RASA3: variants seen among roughly 807,000 people sequenced by gnomAD.
The protein encoded by RASA3 is ras GTPase-activating protein 3.
RASA3 carries 73 observed loss-of-function variants against 110.0 expected under a neutral mutation model. That is an observed-to-expected ratio of 0.66 (90% CI 0.55 to 0.81). RASA3 has a LOEUF of 0.81. Ranked by LOEUF, RASA3 falls within the 30% of genes least tolerant of loss-of-function variation. RASA3 has a pLI of 0.00. For synonymous variants in RASA3, 500 were observed against 451.4 expected (o/e 1.11, Z -1.37); for missense variants, 976 against 1,113.2 (o/e 0.88, Z 1.75).
At chr13:114,017,485 T>C (rs2139298639) in intron 11 of RASA3, 134 bp from the exon 12 acceptor site, 1 of 725,968 alleles carries the variant, frequency 1.4e-6, no homozygotes, top group East Asian at 2.7e-5. Context: ...CCTGACATTT[T>C]ACAAGGAGCA....
At chr13:113,999,949 CTCTGCT>C (rs2053351500) in intron 19 of RASA3, among the ~76,000 whole-genome samples, 2 of 14,986 alleles carry the variant, frequency 1.3e-4, no homozygotes, top group Non-Finnish European at 2.2e-4. Flanking sequence ...GCTGGGGGGT[CTCTGCT>C]GGGGGGGGGT....
chr13:114,054,803 G>A (rs559396705), intron 2 of RASA3, among the ~76,000 whole-genome samples: 53 of 152,364 alleles, frequency 3.5e-4, no homozygotes, highest in African/African-American at 1.2e-3. Flanking sequence ...GTTAATGAAG[G>A]CCCATTAGAA....
intron 9 of RASA3, among the ~76,000 whole-genome samples, chr13:114,019,911 G>A (rs56208226): frequency 3.1e-5 from 1 of 31,924 alleles, no homozygotes; most frequent in Non-Finnish European, 5.1e-5. Context: ...TAGCAGCCCT[G>A]TCAGGTGGGT....
rs544445146 is a variant in RASA3 at position 114,096,193 on chromosome 13, C to T, written c.56-22356G>A. Among the ~76,000 whole-genome samples the T allele has an allele frequency of 1.8e-4, 27 of 152,230 alleles. No individual in the cohort carries two copies. Among genetic ancestry groups the T allele is most frequent in the Admixed American group, 5.2e-4 (8 of 15,300 alleles). Reference sequence around the variant, plus strand: ...GCTCTCCAGGTGGCCCTGGCGGCATCGGTGTGCTGGGAAGGGAGTGCGCAG... The same window carrying T: ...GCTCTCCAGGTGGCCCTGGCGGCATTGGTGTGCTGGGAAGGGAGTGCGCAG... On this transcript the variant is annotated intron_variant, in intron 1 of 23. Transcript: ENST00000334062. This position sits in a 1 kb window ranked among gnomAD's most constrained non-coding sequence, Gnocchi z 5.1.
At chr13:114,128,222 G>A (rs1410486428) in intron 1 of RASA3, among the ~76,000 whole-genome samples, 2 of 152,238 alleles carry the variant, frequency 1.3e-5, no homozygotes, top group Admixed American at 6.5e-5. Flanking sequence ...ACAGACACGG[G>A]GAAAGCCACG....
intron 18 of RASA3, among the ~76,000 whole-genome samples, chr13:114,001,748 C>T (rs1430524632): frequency 1.3e-5 from 2 of 151,926 alleles, no homozygotes; most frequent in Non-Finnish European, 2.9e-5. Flanking sequence ...GCAGCAGACG[C>T]CCATACTCAG....
At chr13:114,113,249 C>T (rs1396695226) in intron 1 of RASA3, among the ~76,000 whole-genome samples, 2 of 152,230 alleles carry the variant, frequency 1.3e-5, no homozygotes, top group Non-Finnish European at 2.9e-5. Flanking sequence ...CAGGCACCTC[C>T]TTCCATGGAG....
intron 1 of RASA3, among the ~76,000 whole-genome samples, chr13:114,128,223 G>A (rs2080475540): frequency 6.6e-6 from 1 of 152,254 alleles, no homozygotes; most frequent in African/African-American, 2.4e-5. Flanking sequence ...CAGACACGGG[G>A]AAAGCCACGG....
chr13:114,038,518 TC>T (rs2054325222), intron 4 of RASA3, among the ~76,000 whole-genome samples: 1 of 152,228 alleles, frequency 6.6e-6, no homozygotes, highest in African/African-American at 2.4e-5. Context: ...GGCAGGGCCA[TC>T]CCCAGGGCTT....
At chr13:114,001,263 T>G (rs1396660922) in intron 18 of RASA3, among the ~76,000 whole-genome samples, 1 of 150,014 alleles carries the variant, frequency 6.7e-6, no homozygotes, top group Non-Finnish European at 1.5e-5. Context: ...CCTGCGGCCG[T>G]GGGCTCAGGG....
At chr13:114,007,979 C>A in intron 17 of RASA3, among the ~76,000 whole-genome samples, 1 of 112,506 alleles carries the variant, frequency 8.9e-6, no homozygotes. Flanking sequence ...CCCCCACGCA[C>A]CGCGTTCCTG....
intron 2 of RASA3, among the ~76,000 whole-genome samples, chr13:114,070,147 G>A (rs1297050675): frequency 2.7e-5 from 3 of 112,894 alleles, no homozygotes; most frequent in Non-Finnish European, 3.7e-5. Context: ...TCAGGCGGCC[G>A]GGAGACTCGG....
At chr13:114,017,094 G>A in intron 12 of RASA3, 143 bp downstream of exon 12, 1 of 705,476 alleles carries the variant, frequency 1.4e-6, no homozygotes, top group East Asian at 2.6e-5. Context: ...AAAAGTGAAT[G>A]AATCAGCATC....
intron 2 of RASA3, among the ~76,000 whole-genome samples, chr13:114,054,734 C>T (rs764790814): frequency 3.9e-5 from 6 of 152,252 alleles, no homozygotes; most frequent in African/African-American, 7.2e-5. Context: ...ATCACTTTAT[C>T]TTTCAATGAA....
intron 9 of RASA3, among the ~76,000 whole-genome samples, chr13:114,020,724 G>C (rs181727295): frequency 6.6e-6 from 1 of 152,350 alleles, no homozygotes; most frequent in Admixed American, 6.5e-5. Flanking sequence ...AAAGGCAGGA[G>C]GCAGCAACAC....
chr13:113,979,333 G>C lies in RASA3; in HGVS notation c.*14C>G. On this transcript the variant is annotated 3_prime_UTR_variant, in exon 24 of 24. Coordinates refer to ENST00000334062, the MANE Select transcript of RASA3 (RefSeq NM_007368.4). ...GGGCAGCTTGCTGGCGCCACTGGGC[G>C]CGTCCCGCAGACTTTAAATGGAATG... 1 of 1,572,126 alleles carries C rather than the reference G, an allele frequency of 6.4e-7. No individual in the cohort carries two copies. The highest frequency in any genetic ancestry group is 8.8e-7 in the Non-Finnish European group (1 of 1,142,176).
chr13:114,018,057 T>C, intron 11 of RASA3, 47 bp downstream of exon 11: 2 of 1,449,872 alleles, frequency 1.4e-6, no homozygotes, highest in Non-Finnish European at 1.8e-6. Context: ...TTGCCATCCC[T>C]GTAGCGGGTC....
intron 18 of RASA3, among the ~76,000 whole-genome samples, chr13:114,001,698 A>G (rs1410266684): frequency 6.6e-6 from 1 of 150,866 alleles, no homozygotes; most frequent in Non-Finnish European, 1.5e-5. Context: ...GGACGCTCAC[A>G]CACGGAGGAC....
intron 1 of RASA3, among the ~76,000 whole-genome samples, chr13:114,102,979 C>T (rs1047884648): frequency 6.6e-6 from 1 of 151,876 alleles, no homozygotes. Flanking sequence ...AACCAAACCA[C>T]CCCTGCTGCT....
Sources: allele counts gnomAD v4.1 joint callset (sites outside exome capture counted in the v4.1 genomes callset), GRCh38; gene constraint gnomAD v4.1.1; non-coding constraint Gnocchi (gnomAD v3.1); transcripts MANE v1.5; gene names NCBI Gene and HGNC (gene_info 2026-07-23, HGNC 2026-07-21).